The following DOCK9 variants were observed in gnomAD, a reference collection of about 807,000 sequenced individuals.
DOCK9 encodes dedicator of cytokinesis 9, also known as dedicator of cytokinesis protein 9.
Under a neutral mutation model 263.3 loss-of-function variants are expected in DOCK9, and 89 were observed. That is an observed-to-expected ratio of 0.34 (90% CI 0.28 to 0.40). The LOEUF is 0.40. DOCK9 is among the 10% of genes least tolerant of loss of function. DOCK9 has a pLI of 1.00. For synonymous variants in DOCK9, 976 were observed against 973.1 expected, an observed-to-expected ratio of 1.00 and a Z score of -0.06; for missense variants, 2,140 against 2,603.4, an observed-to-expected ratio of 0.82 and a Z score of 3.87.
intron 1 of DOCK9, among the ~76,000 whole-genome samples, chr13:99,061,010 A>T (rs977149595): frequency 1.3e-5 from 2 of 152,224 alleles, no homozygotes; most frequent in African/African-American, 4.8e-5. Flanking sequence ...GTAATAAAAT[A>T]ACTAGTGGAT....
intron 30 of DOCK9, among the ~76,000 whole-genome samples, chr13:98,865,743 G>A (rs1043781656): frequency 6.6e-6 from 1 of 152,164 alleles, no homozygotes; most frequent in Non-Finnish European, 1.5e-5. Context: ...GGCTGAGGGA[G>A]GCTGTGGTGA....
intron 27 of DOCK9, among the ~76,000 whole-genome samples, chr13:98,878,510 G>A (rs1449835995): frequency 6.6e-6 from 1 of 151,960 alleles, no homozygotes; most frequent in Non-Finnish European, 1.5e-5. Context: ...TTTTTTTACA[G>A]AAAAGTAATA....
chr13:98,859,536 T>C (rs2093795725), intron 33 of DOCK9: 1 of 151,966 alleles, frequency 6.6e-6, no homozygotes, highest in African/African-American at 2.4e-5. Flanking sequence ...AATCTCAGAG[T>C]GGGCAAGTCC....
intron 9 of DOCK9, 41 bp from the exon 10 acceptor site, chr13:98,904,747 TTTTC>T: frequency 6.6e-7 from 1 of 1,513,900 alleles, no homozygotes; most frequent in Non-Finnish European, 8.9e-7. Context: ...AACACAATCC[TTTTC>T]TTGCAAAGGT....
At chr13:98,996,898 C>T (rs1262664624) in intron 1 of DOCK9, among the ~76,000 whole-genome samples, 3 of 152,162 alleles carry the variant, frequency 2.0e-5, no homozygotes, top group African/African-American at 4.8e-5. Context: ...CATAGTTTTA[C>T]CCCAAAAATG....
chr13:98,951,805 CA>C (rs1421187868), intron 2 of DOCK9, among the ~76,000 whole-genome samples: 1 of 152,004 alleles, frequency 6.6e-6, no homozygotes, highest in Non-Finnish European at 1.5e-5. Flanking sequence ...TCTGATTCTG[CA>C]AAAAGAAGGG....
At chr13:99,017,769 A>C (rs995272365) in intron 1 of DOCK9, among the ~76,000 whole-genome samples, 11 of 152,248 alleles carry the variant, frequency 7.2e-5, no homozygotes, top group African/African-American at 1.9e-4. Context: ...AAAATCTCAT[A>C]ATGTTTTAAG....
At chr13:98,948,829 C>T (rs1595565345) in intron 2 of DOCK9, among the ~76,000 whole-genome samples, 1 of 148,748 alleles carries the variant, frequency 6.7e-6, no homozygotes, top group Admixed American at 6.7e-5. Flanking sequence ...CTGGCTTATC[C>T]ACTGAGCATA....
intron 52 of DOCK9, among the ~76,000 whole-genome samples, chr13:98,795,729 C>T (rs9584939): frequency 6.6e-6 from 1 of 151,424 alleles, no homozygotes; most frequent in Non-Finnish European, 1.5e-5. Context: ...ATTATTCAGA[C>T]ATTCATTTCT....
chr13:98,861,848 TC>T (rs1752184666), intron 32 of DOCK9, among the ~76,000 whole-genome samples: 1 of 152,182 alleles, frequency 6.6e-6, no homozygotes, highest in Non-Finnish European at 1.5e-5. Context: ...GGCAGTCAGT[TC>T]TTGGAGGTGG....
chr13:98,855,342 G>A lies in DOCK9; in HGVS notation c.3831+556C>T, dbSNP rs373779373. Among the ~76,000 whole-genome samples, 274 of 152,296 alleles carry A rather than the reference G, an allele frequency of 1.8e-3. 2 individuals carry two copies. Among genetic ancestry groups the A allele is most frequent in the African/African-American group, 6.3e-3 (260 of 41,562 alleles). On this transcript the variant is annotated intron_variant, in intron 34 of 52. Transcript: ENST00000682017. ...TAATCCCAGCACTTTGGGAGGCCGA[G>A]GCGGGCGGATGACGAGGTCAGGAGT...
intron 1 of DOCK9, among the ~76,000 whole-genome samples, chr13:99,020,194 G>C (rs761288529): frequency 9.7e-4 from 148 of 152,300 alleles, no homozygotes; most frequent in Non-Finnish European, 1.3e-3. Context: ...GGTAACAGGA[G>C]AGAACTCAAC....
chr13:98,991,321 C>T (rs1192426135), intron 1 of DOCK9, among the ~76,000 whole-genome samples: 2 of 152,126 alleles, frequency 1.3e-5, no homozygotes, highest in Non-Finnish European at 2.9e-5. Context: ...GCTCCTGCCT[C>T]GGCCTCCCAA....
intron 4 of DOCK9, among the ~76,000 whole-genome samples, chr13:98,924,313 A>G (rs1402567705): frequency 6.6e-6 from 1 of 152,228 alleles, no homozygotes. Context: ...AGGAGGAAAA[A>G]CAAACAGCTA....
chr13:98,914,922 C>G (rs1458172025), intron 8 of DOCK9, among the ~76,000 whole-genome samples: 1 of 152,162 alleles, frequency 6.6e-6, no homozygotes, highest in Non-Finnish European at 1.5e-5. Context: ...CAGTAAAATT[C>G]TATGCCAGAT....
rs1595343943 is a variant in DOCK9 at position 98,921,930 on chromosome 13, A to C, written c.582+121T>G. On this transcript the variant is annotated intron_variant, in intron 6 of 52. Transcript: ENST00000682017. ...GCTATCACCAGGGGAGCATCCTAGGAATCAGACAATGTCCCTTTTGTGGGG... is the reference window on the plus strand; with the variant it reads ...GCTATCACCAGGGGAGCATCCTAGGCATCAGACAATGTCCCTTTTGTGGGG... 9.2e-6 allele frequency: 8 copies of C among 868,450 alleles called. No homozygotes were observed. In the East Asian group the frequency reaches 2.2e-4, roughly 24 times the overall value. The allele number at this position is 868,450 out of a possible 1,614,324, so 53.8% of individuals were successfully genotyped here.
At chr13:98,999,316 A>ACACACACACACACACACACTCTCT in intron 1 of DOCK9, among the ~76,000 whole-genome samples, 1,527 of 138,240 alleles carry the variant, frequency 0.011, 21 homozygotes, top group South Asian at 0.037. Context: ...ACACACACAC[A>ACACACACACACACACACACTCTCT]CTCTCTCTCT....
At position 98,901,909 on chromosome 13, in the gene DOCK9, C is replaced by G; in HGVS notation, c.1381-9G>C. On this transcript the variant is annotated splice_polypyrimidine_tract_variant and intron_variant, in intron 12 of 52. Coordinates refer to ENST00000682017, the MANE Select transcript of DOCK9 (RefSeq NM_001366683.2). Reference sequence around the variant, plus strand: ...GTGACTGAAAATATTCCCTAGGAGGCAAACAATTTTCTTCAGTAAGCAGAA... The same window carrying G: ...GTGACTGAAAATATTCCCTAGGAGGGAAACAATTTTCTTCAGTAAGCAGAA... 6.2e-7 allele frequency: 1 copy of G among 1,610,172 alleles called. No homozygotes were observed. Among genetic ancestry groups the G allele is most frequent in the Non-Finnish European group, 8.5e-7 (1 of 1,178,306 alleles).
chr13:98,964,805 A>G (rs149760771), intron 1 of DOCK9, among the ~76,000 whole-genome samples: 1 of 152,162 alleles, frequency 6.6e-6, no homozygotes, highest in African/African-American at 2.4e-5. Flanking sequence ...CTTCTGAAAA[A>G]GAGACTCCAC....
Sources: gnomAD v4.1 joint callset for allele counts (sites outside exome capture counted in the v4.1 genomes callset) on GRCh38, gnomAD v4.1.1 for gene constraint, MANE v1.5 for transcripts, NCBI Gene and HGNC (gene_info 2026-07-23, HGNC 2026-07-21) for gene names.